Variants in RNFT2 observed in about 807,000 individuals in gnomAD.
RNFT2 encodes ring finger protein, transmembrane 2.
RNFT2 carries 36 observed loss-of-function variants against 53.0 expected under a neutral mutation model. The observed-to-expected ratio is 0.68, with a 90% CI of 0.52 to 0.90. The LOEUF (loss-of-function observed/expected upper bound fraction) is 0.90. Among genes scored for constraint, RNFT2 ranks in the 40% least tolerant of loss-of-function variants. The pLI, the probability that RNFT2 is intolerant of heterozygous loss-of-function variation, is 0.00. For synonymous variants in RNFT2, 260 were observed against 253.2 expected (o/e 1.03, Z -0.26); for missense variants, 514 against 585.6 (o/e 0.88, Z 1.26).
chr12:116,753,752 T>C (rs1872364525), intron 4 of RNFT2, among the ~76,000 whole-genome samples: 2 of 152,178 alleles, frequency 1.3e-5, no homozygotes, highest in African/African-American at 4.8e-5. Flanking sequence ...TCCAGTGCTA[T>C]AAAGTATCCC....
intron 7 of RNFT2, among the ~76,000 whole-genome samples, chr12:116,827,329 A>G (rs1437455323): frequency 6.6e-6 from 1 of 152,212 alleles, no homozygotes; most frequent in African/African-American, 2.4e-5. Flanking sequence ...AAGGCTTTTC[A>G]TAGGCGGTGA....
At chr12:116,779,489 C>T (rs1873594262) in intron 7 of RNFT2, 141 bp downstream of exon 7, 2 of 865,518 alleles carry the variant, frequency 2.3e-6, no homozygotes, top group African/African-American at 1.7e-5. Context: ...GCTCATAGCT[C>T]CTGTCACCCA....
chr12:116,768,653 TG>T (rs1161363374), intron 6 of RNFT2, among the ~76,000 whole-genome samples: 2 of 152,208 alleles, frequency 1.3e-5, no homozygotes, highest in Non-Finnish European at 2.9e-5. Context: ...ACCTAATGCT[TG>T]ATAATGATCA....
intron 10 of RNFT2, among the ~76,000 whole-genome samples, chr12:116,846,298 G>C (rs1877609680): frequency 6.6e-6 from 1 of 151,926 alleles, no homozygotes; most frequent in Non-Finnish European, 1.5e-5. Context: ...TTTTAGACAA[G>C]GTCTCACTCT....
Position 116,784,485 on chromosome 12 carries a change from A to G in RNFT2, c.882+5137A>G, listed in dbSNP as rs538807469. ...GGAGGAGGCAATGTCAGCTGGTACGAAAAAACATGGCTGCCTAGGGAGGCT... is the reference window on the plus strand; with the variant it reads ...GGAGGAGGCAATGTCAGCTGGTACGGAAAAACATGGCTGCCTAGGGAGGCT... On this transcript the variant is annotated intron_variant, in intron 7 of 10. Transcript: ENST00000257575. 1.5e-3 allele frequency among the ~76,000 whole-genome samples: 236 copies of G among 152,320 alleles called. 2 individuals are homozygous for G. The highest frequency in any genetic ancestry group is 4.4e-3 in the South Asian group (21 of 4,824).
At chr12:116,779,636 G>A (rs1873599474) in intron 7 of RNFT2, among the ~76,000 whole-genome samples, 1 of 152,026 alleles carries the variant, frequency 6.6e-6, no homozygotes, top group Admixed American at 6.6e-5. Context: ...TTTCACCTGA[G>A]AGAGGAAAAA....
At chr12:116,744,597 G>T (rs1871807887) in intron 3 of RNFT2, among the ~76,000 whole-genome samples, 1 of 152,200 alleles carries the variant, frequency 6.6e-6, no homozygotes, top group African/African-American at 2.4e-5. Context: ...CTTTGAGATA[G>T]CACATTTTGG....
intron 10 of RNFT2, among the ~76,000 whole-genome samples, chr12:116,838,258 A>G (rs1459418147): frequency 2.0e-5 from 3 of 152,230 alleles, no homozygotes; most frequent in Non-Finnish European, 2.9e-5. Flanking sequence ...GGGGAGATCA[A>G]TTGCACCAAC....
intron 7 of RNFT2, among the ~76,000 whole-genome samples, chr12:116,822,707 TAGAAAG>T (rs1565870584): frequency 6.6e-6 from 1 of 151,878 alleles, no homozygotes; most frequent in Non-Finnish European, 1.5e-5. Flanking sequence ...AGAGGAGAGA[TAGAAAG>T]AGAACTGGCT....
intron 5 of RNFT2, among the ~76,000 whole-genome samples, chr12:116,766,552 C>T (rs1418599344): frequency 6.6e-6 from 1 of 152,240 alleles, no homozygotes; most frequent in East Asian, 1.9e-4. Context: ...TGCCATGCTG[C>T]TCTGGAGTCT....
chr12:116,841,868 TAA>T (rs1297057033), intron 10 of RNFT2, among the ~76,000 whole-genome samples: 9 of 25,762 alleles, frequency 3.5e-4, no homozygotes, highest in Middle Eastern at 8.1e-3. Flanking sequence ...AATATATATA[TAA>T]ATATATATAT....
chr12:116,759,433 C>G (rs1253612416), intron 5 of RNFT2, among the ~76,000 whole-genome samples: 1 of 152,062 alleles, frequency 6.6e-6, no homozygotes, highest in African/African-American at 2.4e-5. Context: ...TGTTGAAGAG[C>G]CTTGTTTTGT....
chr12:116,831,271 T>C (rs749623776), intron 7 of RNFT2, among the ~76,000 whole-genome samples: 4 of 152,076 alleles, frequency 2.6e-5, no homozygotes, highest in Non-Finnish European at 5.9e-5. Flanking sequence ...CATGATTAGA[T>C]TAGAATTTAT....
chr12:116,764,065 T>C (rs1202117442), intron 5 of RNFT2, among the ~76,000 whole-genome samples: 1 of 152,206 alleles, frequency 6.6e-6, no homozygotes, highest in African/African-American at 2.4e-5. Context: ...CTGGATGGGA[T>C]TGGAGACTAT....
At position 116,836,489 on chromosome 12, in the gene RNFT2, G is replaced by C. The variant is rs144027936; in HGVS notation, c.1200+207G>C. Among the ~76,000 whole-genome samples the C allele has an allele frequency of 3.3e-5, 5 of 152,292 alleles. No individual in the cohort carries two copies. The East Asian group carries it at 9.7e-4, about 29-fold the overall frequency. ...ACGTTATTTCACCTCTCTGAGGCTTGGTTTCCTTAGTAAGATGTAGAATGC... is the reference window on the plus strand; with the variant it reads ...ACGTTATTTCACCTCTCTGAGGCTTCGTTTCCTTAGTAAGATGTAGAATGC... On this transcript the variant is annotated intron_variant, in intron 10 of 10. Transcript: ENST00000257575.
intron 7 of RNFT2, among the ~76,000 whole-genome samples, chr12:116,821,483 C>A (rs992120633): frequency 1.1e-4 from 17 of 152,374 alleles, no homozygotes; most frequent in Admixed American, 1.0e-3. Flanking sequence ...TCCTAACAGG[C>A]CCGCAGGCCA....
rs186105604 is a variant in RNFT2 at position 116,760,011 on chromosome 12, C to T, written c.627+5951C>T. 2.6e-3 allele frequency among the ~76,000 whole-genome samples: 391 copies of T among 152,224 alleles called. 2 individuals are homozygous for T. The highest frequency in any genetic ancestry group is 9.2e-3 in the African/African-American group (380 of 41,508). On this transcript the variant is annotated intron_variant, in intron 5 of 10. Coordinates refer to ENST00000257575, the MANE Select transcript of RNFT2 (RefSeq NM_001382266.1). ...GGCTAGGCGTTTCTGACCTCTCACT[C>T]TCCTTGGGCGGGTCTTGCTATGGGT...
In RNFT2 at chr12:116,851,798, A is replaced by G. The variant is rs76235447; in HGVS notation, c.*2350A>G. ...AGGGAGGAAGGAAGGAAGGAAGGAAAGAAAGAAAGGTCAGCTTTGGCCCAG... is the reference window on the plus strand; with the variant it reads ...AGGGAGGAAGGAAGGAAGGAAGGAAGGAAAGAAAGGTCAGCTTTGGCCCAG... On this transcript the variant is annotated 3_prime_UTR_variant, in exon 11 of 11. Transcript: ENST00000257575. 502 of 660,578 alleles carry G rather than the reference A, an allele frequency of 7.6e-4. 1 individual carries two copies. Among genetic ancestry groups the G allele is most frequent in the African/African-American group, 1.6e-3 (47 of 28,866 alleles). The allele number at this position is 660,578 out of a possible 1,614,324, so 40.9% of individuals were successfully genotyped here.
intron 10 of RNFT2, among the ~76,000 whole-genome samples, chr12:116,845,372 G>A (rs543639074): frequency 2.6e-5 from 4 of 151,672 alleles, no homozygotes; most frequent in Admixed American, 6.6e-5. Context: ...TTTTCACCAG[G>A]AAGAATGGCA....
Sources: gnomAD v4.1 joint callset for allele counts (sites outside exome capture counted in the v4.1 genomes callset) on GRCh38, gnomAD v4.1.1 for gene constraint, MANE v1.5 for transcripts, NCBI Gene and HGNC (gene_info 2026-07-23, HGNC 2026-07-21) for gene names.